The following GNG2 variants were observed in gnomAD, a reference collection of about 807,000 sequenced individuals.
The protein encoded by GNG2 is guanine nucleotide-binding protein G(I)/G(S)/G(O) subunit gamma-2.
Under a neutral mutation model 5.5 loss-of-function variants are expected in GNG2, and 5 were observed. The observed-to-expected ratio is 0.91, with a 90% CI of 0.48 to 1.92. The LOEUF (loss-of-function observed/expected upper bound fraction) is 1.92, where lower values mean the gene tolerates loss of function less well. Ranked by LOEUF, GNG2 falls within the 30% of genes most tolerant of loss-of-function variation. GNG2 has a pLI of 0.01. For synonymous variants in GNG2, 28 were observed against 32.0 expected (o/e 0.88, Z 0.42); for missense variants, 55 against 88.4 (o/e 0.62, Z 1.52).
rs139516966 is a variant in GNG2, at chr14:51,969,533, G to T, written c.*2846G>T. 1.3e-5 allele frequency: 2 copies of T among 152,184 alleles called. No individual in the cohort carries two copies. Among genetic ancestry groups the T allele is most frequent in the African/African-American group, 4.8e-5 (2 of 41,440 alleles). The allele number at this position is 152,184 out of a possible 1,614,324, so 9.4% of individuals were successfully genotyped here. ...GAATTTTGAGAAAATAAAGCATGCT[G>T]TCTTTAGGAATTTTTATACTTCTTT... is the stretch of plus-strand genomic sequence containing the variant. On this transcript the variant is annotated 3_prime_UTR_variant, in exon 4 of 4. Coordinates refer to ENST00000556766, the MANE Select transcript of GNG2 (RefSeq NM_053064.5).
chr14:51,839,491 G>T (rs1881425941), intron 2 of GNG2, among the ~76,000 whole-genome samples: 1 of 152,156 alleles, frequency 6.6e-6, no homozygotes, highest in South Asian at 2.1e-4. Context: ...GGAATAGAAT[G>T]TGAGGTGGGT....
chr14:51,844,176 G>A (rs1214965725), intron 2 of GNG2, among the ~76,000 whole-genome samples: 1 of 152,188 alleles, frequency 6.6e-6, no homozygotes, highest in Non-Finnish European at 1.5e-5. Context: ...CTTGCAAATG[G>A]CTGCTACCAG....
At chr14:51,916,045 C>A (rs1234353100) in intron 2 of GNG2, 2 of 152,682 alleles carry the variant, frequency 1.3e-5, no homozygotes, top group African/African-American at 2.4e-5. Flanking sequence ...TCCTTGAGAA[C>A]AGGAGCCTAT....
chr14:51,965,836 A>G (rs922033297), intron 3 of GNG2, among the ~76,000 whole-genome samples: 1 of 152,094 alleles, frequency 6.6e-6, no homozygotes, highest in Admixed American at 6.6e-5. Context: ...CAGACACTAA[A>G]TGATTTACAG....
chr14:51,961,456 C>T (rs67023996), intron 3 of GNG2, among the ~76,000 whole-genome samples: 3,419 of 152,200 alleles, frequency 0.022, 131 homozygotes, highest in African/African-American at 0.077. Flanking sequence ...ACTGATTATA[C>T]GGTAGTAAAT....
intron 2 of GNG2, among the ~76,000 whole-genome samples, chr14:51,945,299 G>T (rs962687959): frequency 6.6e-6 from 1 of 152,106 alleles, no homozygotes; most frequent in Non-Finnish European, 1.5e-5. Flanking sequence ...TCATCAAGAG[G>T]TGAATGGATA....
At chr14:51,932,426 A>T (rs1442729613) in intron 2 of GNG2, among the ~76,000 whole-genome samples, 2 of 152,264 alleles carry the variant, frequency 1.3e-5, no homozygotes, top group Middle Eastern at 3.4e-3. Context: ...TTCCACTTTT[A>T]TGAGTTATCT....
upstream of GNG2, among the ~76,000 whole-genome samples, chr14:51,856,244 A>G (rs1882153901): frequency 6.6e-6 from 1 of 152,058 alleles, no homozygotes; most frequent in Non-Finnish European, 1.5e-5. Context: ...AAGGAGGTGT[A>G]CAGCATTGCA....
chr14:51,875,596 C>A (rs1410009202), intron 1 of GNG2, among the ~76,000 whole-genome samples: 1 of 151,492 alleles, frequency 6.6e-6, no homozygotes, highest in Non-Finnish European at 1.5e-5. Context: ...CAGAAAGATA[C>A]TATGTATAAT....
intron 2 of GNG2, among the ~76,000 whole-genome samples, chr14:51,880,469 C>T (rs150206165): frequency 3.3e-5 from 5 of 152,216 alleles, no homozygotes; most frequent in Non-Finnish European, 5.9e-5. Context: ...AGTAAGAAAC[C>T]ATTTCTTGCC....
intron 2 of GNG2, among the ~76,000 whole-genome samples, chr14:51,906,672 C>G (rs1312467800): frequency 6.6e-6 from 1 of 151,540 alleles, no homozygotes; most frequent in Non-Finnish European, 1.5e-5. Context: ...TGCAATTGAT[C>G]TGTCACACTG....
chr14:51,834,384 C>T (rs957078042), intron 2 of GNG2, among the ~76,000 whole-genome samples: 13 of 152,224 alleles, frequency 8.5e-5, no homozygotes, highest in African/African-American at 2.4e-4. Flanking sequence ...GCCACGGACT[C>T]CCCTGCCGAG....
chr14:51,839,186 C>G (rs1247267346), intron 2 of GNG2, among the ~76,000 whole-genome samples: 2 of 152,096 alleles, frequency 1.3e-5, no homozygotes, highest in Non-Finnish European at 2.9e-5. Context: ...GACATATGTC[C>G]ACGGTGGTCA....
At chr14:51,959,914 C>T (rs1010908301) in intron 3 of GNG2, among the ~76,000 whole-genome samples, 3 of 152,126 alleles carry the variant, frequency 2.0e-5, no homozygotes, top group Non-Finnish European at 4.4e-5. Flanking sequence ...CACCATTCTC[C>T]CACTCAAATA....
At chr14:51,868,909 A>C (rs962130083) in intron 1 of GNG2, among the ~76,000 whole-genome samples, 4 of 152,208 alleles carry the variant, frequency 2.6e-5, no homozygotes, top group Admixed American at 2.6e-4. Context: ...TCTACACTGC[A>C]ATCAGCACTA....
At chr14:51,834,967 AG>A (rs1881292361) in intron 2 of GNG2, among the ~76,000 whole-genome samples, 1 of 152,232 alleles carries the variant, frequency 6.6e-6, no homozygotes, top group South Asian at 2.1e-4. Context: ...CAGTGCTAAA[AG>A]AGCCGAGGGC....
At chr14:51,882,726 T>C (rs1296551924) in intron 2 of GNG2, among the ~76,000 whole-genome samples, 3 of 152,182 alleles carry the variant, frequency 2.0e-5, no homozygotes, top group Admixed American at 1.3e-4. Context: ...TAGCCTATAG[T>C]AGCAGACTGC....
intron 2 of GNG2, among the ~76,000 whole-genome samples, chr14:51,927,328 T>C (rs1887388969): frequency 6.6e-6 from 1 of 152,224 alleles, no homozygotes; most frequent in African/African-American, 2.4e-5. Context: ...CTTCATCAGA[T>C]TGCCAAGGAT....
At chr14:51,837,859 T>G (rs1455557978) in intron 2 of GNG2, among the ~76,000 whole-genome samples, 1 of 152,082 alleles carries the variant, frequency 6.6e-6, no homozygotes, top group African/African-American at 2.4e-5. Flanking sequence ...AACCTTGGAG[T>G]GATATTTCCA....
Sources: gnomAD v4.1 joint callset for allele counts (sites outside exome capture counted in the v4.1 genomes callset) on GRCh38, gnomAD v4.1.1 for gene constraint, MANE v1.5 for transcripts, NCBI Gene and HGNC (gene_info 2026-07-23, HGNC 2026-07-21) for gene names.